REV3L: variants seen among roughly 807,000 people sequenced by gnomAD.
The protein encoded by REV3L is REV3 like, DNA directed polymerase zeta catalytic subunit.
A neutral mutation model predicts 299.4 loss-of-function variants in REV3L; 69 were observed. That is an observed-to-expected ratio of 0.23 (90% CI 0.19 to 0.28). The LOEUF is 0.28. Ranked by LOEUF, REV3L falls within the 10% of genes least tolerant of loss-of-function variation. The pLI is 1.00. For synonymous variants in REV3L, 1,238 were observed against 1,271.4 expected (o/e 0.97, Z 0.56); for missense variants, 3,128 against 3,693.8 (o/e 0.85, Z 3.97).
At chr6:111,449,463 C>G (rs1490854592) in intron 1 of REV3L, among the ~76,000 whole-genome samples, 3 of 152,142 alleles carry the variant, frequency 2.0e-5, no homozygotes, top group Non-Finnish European at 4.4e-5. Context: ...AGTATCAGCA[C>G]GTGCTTTGTG....
chr6:111,316,909 T>C (rs951107106), intron 26 of REV3L, among the ~76,000 whole-genome samples: 3 of 152,126 alleles, frequency 2.0e-5, no homozygotes, highest in African/African-American at 7.2e-5. Flanking sequence ...ATATAAAATA[T>C]ACTCAAAATA....
At chr6:111,379,653 C>G (rs1340498758) in intron 11 of REV3L, among the ~76,000 whole-genome samples, 1 of 152,186 alleles carries the variant, frequency 6.6e-6, no homozygotes, top group Non-Finnish European at 1.5e-5. Context: ...CCCAACAGTT[C>G]AACTATCACA....
At chr6:111,439,623 C>A (rs1788008241) in intron 1 of REV3L, among the ~76,000 whole-genome samples, 1 of 152,168 alleles carries the variant, frequency 6.6e-6, no homozygotes, top group South Asian at 2.1e-4. Flanking sequence ...TTCTCTTATT[C>A]TACCCAATAA....
intron 1 of REV3L, among the ~76,000 whole-genome samples, chr6:111,446,942 T>C (rs536977404): frequency 6.6e-6 from 1 of 152,288 alleles, no homozygotes; most frequent in South Asian, 2.1e-4. Context: ...TGTAAATCTA[T>C]ATGAGACTTC....
At chr6:111,359,700 CA>C (rs1778452404) in intron 16 of REV3L, among the ~76,000 whole-genome samples, 1 of 151,884 alleles carries the variant, frequency 6.6e-6, no homozygotes. Context: ...TTTCTAAAAT[CA>C]AGACAGAGTA....
intron 1 of REV3L, among the ~76,000 whole-genome samples, chr6:111,449,385 C>T (rs140192705): frequency 2.1e-3 from 247 of 115,054 alleles, no homozygotes; most frequent in African/African-American, 5.8e-3. Flanking sequence ...AGTAGAATAC[C>T]GGGAGAAGAG....
chr6:111,346,731 T>C (rs1400410275), intron 20 of REV3L, among the ~76,000 whole-genome samples: 1 of 152,222 alleles, frequency 6.6e-6, no homozygotes, highest in Non-Finnish European at 1.5e-5. Context: ...AGAGATACTA[T>C]ATATTCATCC....
chr6:111,341,899 T>C (rs1776531758), intron 21 of REV3L, among the ~76,000 whole-genome samples: 1 of 152,248 alleles, frequency 6.6e-6, no homozygotes, highest in South Asian at 2.1e-4. Flanking sequence ...CAGATAGTGC[T>C]GGGGTTGGAG....
chr6:111,460,187 G>A (rs1215489921), intron 1 of REV3L: 1 of 152,044 alleles, frequency 6.6e-6, no homozygotes, highest in Non-Finnish European at 1.5e-5. Context: ...AATACCCCAT[G>A]TTCTCACTTA....
chr6:111,393,214 G>A (rs562638746), intron 4 of REV3L, among the ~76,000 whole-genome samples: 21 of 152,142 alleles, frequency 1.4e-4, no homozygotes, highest in African/African-American at 4.8e-4. Context: ...TAGAGACTGG[G>A]TTTCACCGTG....
intron 9 of REV3L, among the ~76,000 whole-genome samples, chr6:111,384,017 C>T (rs780444834): frequency 4.6e-5 from 7 of 152,048 alleles, no homozygotes; most frequent in South Asian, 2.1e-4. Context: ...ACAATTTCTT[C>T]GATAAATGGT....
At chr6:111,450,808 C>T (rs1341939665) in intron 1 of REV3L, among the ~76,000 whole-genome samples, 1 of 152,156 alleles carries the variant, frequency 6.6e-6, no homozygotes, top group African/African-American at 2.4e-5. Flanking sequence ...GAAGAGAAAG[C>T]TGGGTTATCA....
At chr6:111,413,819 T>C (rs1030654134) in intron 2 of REV3L, among the ~76,000 whole-genome samples, 2 of 152,050 alleles carry the variant, frequency 1.3e-5, no homozygotes, top group Admixed American at 6.6e-5. Flanking sequence ...CTTTAACAAA[T>C]ACAAAAATAC....
Position 111,368,039 on chromosome 6 carries a change from A to G in REV3L, c.5760-11T>C, listed in dbSNP as rs752164875. 3.8e-6 allele frequency: 6 copies of G among 1,561,296 alleles called. No homozygotes were observed. In the African/African-American group the frequency reaches 5.5e-5, roughly 14 times the overall value. ...CGTCCACCAATCTCCCTATAATAAC[A>G]TATTTTAGAACAACTGTTTTGTTTC... On this transcript the variant is annotated splice_polypyrimidine_tract_variant and intron_variant, in intron 13 of 31. Transcript: ENST00000368802.
At chr6:111,401,595 G>T (rs1484283682) in intron 4 of REV3L, among the ~76,000 whole-genome samples, 1 of 152,122 alleles carries the variant, frequency 6.6e-6, no homozygotes, top group Non-Finnish European at 1.5e-5. Flanking sequence ...GCTCTAAAAG[G>T]GAGGCACATG....
intron 1 of REV3L, among the ~76,000 whole-genome samples, chr6:111,462,921 A>G (rs1389825408): frequency 6.6e-6 from 1 of 152,102 alleles, no homozygotes; most frequent in Non-Finnish European, 1.5e-5. Context: ...GGCTGGTTAT[A>G]CTTAACATGT....
At position 111,416,431 on chromosome 6, in the gene REV3L, G is replaced by C. The variant is rs748281910; in HGVS notation, c.181C>G (p.Leu61Val). 1.2e-6 allele frequency: 2 copies of C among 1,613,678 alleles called. No individual in the cohort carries two copies. The highest frequency in any genetic ancestry group is 3.3e-5 in the Admixed American group (2 of 59,988). The stretch of plus-strand genomic sequence containing the variant: ...CCATAACCATCGTATGGCACATAGA[G>C]GTAAGGAAAGATGCCATGTAGATGA... ...CLHLHGIFPY[L>V]YVPYDGYGQQ... is the part of the protein sequence containing the mutation. Residue 61 changes from leucine to valine, a missense_variant, in exon 2 of 32, where the codon CTC becomes GTC. Transcript: ENST00000368802.
At chr6:111,462,999 T>A (rs1245656218) in intron 1 of REV3L, among the ~76,000 whole-genome samples, 1 of 152,016 alleles carries the variant, frequency 6.6e-6, no homozygotes, top group African/African-American at 2.4e-5. Context: ...AGATCAAGTG[T>A]AAGAGAATGA....
At chr6:111,387,513 A>G (rs942987753) in intron 9 of REV3L, among the ~76,000 whole-genome samples, 2 of 152,212 alleles carry the variant, frequency 1.3e-5, no homozygotes, top group African/African-American at 2.4e-5. Context: ...AAAACTTAAA[A>G]CAATGGTATA....
Sources: allele counts gnomAD v4.1 joint callset (sites outside exome capture counted in the v4.1 genomes callset), GRCh38; gene constraint gnomAD v4.1.1; transcripts MANE v1.5; gene names NCBI Gene and HGNC (gene_info 2026-07-23, HGNC 2026-07-21).